Variants in ZNF704 observed in about 807,000 individuals in gnomAD.
ZNF704 encodes the protein glucocorticoid induced gene 1.
Under a neutral mutation model 44.7 loss-of-function variants are expected in ZNF704, and 10 were observed. That is an observed-to-expected ratio of 0.22 (90% CI 0.14 to 0.38). The LOEUF is 0.38. Among genes scored for constraint, ZNF704 ranks in the 10% least tolerant of loss-of-function variants. The pLI is 1.00. For missense variants in ZNF704, 390 were observed against 545.5 expected (o/e 0.71, Z 2.84); for synonymous variants, 211 against 207.6 (o/e 1.02, Z -0.14).
chr8:80,653,876 T>C (rs1817964610), intron 7 of ZNF704, among the ~76,000 whole-genome samples: 1 of 152,082 alleles, frequency 6.6e-6, no homozygotes, highest in Non-Finnish European at 1.5e-5. Context: ...GAGCCCGCAT[T>C]GCCAAGTCAA....
At chr8:80,758,105 C>T (rs745641478) in intron 2 of ZNF704, among the ~76,000 whole-genome samples, 12 of 152,188 alleles carry the variant, frequency 7.9e-5, no homozygotes, top group Non-Finnish European at 1.6e-4. Context: ...CAATTTGTAT[C>T]AATATCACAT....
chr8:80,803,587 A>C (rs1337045755), intron 2 of ZNF704, among the ~76,000 whole-genome samples: 1 of 152,100 alleles, frequency 6.6e-6, no homozygotes, highest in East Asian at 1.9e-4. Flanking sequence ...ATGGGGAAAG[A>C]ATTTCCTATT....
At chr8:80,713,725 A>G (rs1224142244) in intron 2 of ZNF704, among the ~76,000 whole-genome samples, 1 of 152,156 alleles carries the variant, frequency 6.6e-6, no homozygotes, top group East Asian at 1.9e-4. Flanking sequence ...TAATCTACAC[A>G]TTTCTTTTTA....
At chr8:80,673,396 A>C (rs908777541) in intron 4 of ZNF704, 1 of 152,218 alleles carries the variant, frequency 6.6e-6, no homozygotes, top group African/African-American at 2.4e-5. Context: ...TGACATGAGA[A>C]TAAACAAACG....
intron 1 of ZNF704, among the ~76,000 whole-genome samples, chr8:80,843,905 G>T (rs908968464): frequency 1.3e-5 from 2 of 151,186 alleles, no homozygotes; most frequent in African/African-American, 4.9e-5. Flanking sequence ...GCTACATATT[G>T]TAAGCACAAG....
intron 2 of ZNF704, among the ~76,000 whole-genome samples, chr8:80,699,979 A>G (rs1297587263): frequency 1.3e-5 from 2 of 152,076 alleles, no homozygotes; most frequent in Admixed American, 1.3e-4. Context: ...ACCCCCAGTG[A>G]GGTCAGGTGG....
At chr8:80,849,978 T>C (rs1808830280) in intron 1 of ZNF704, among the ~76,000 whole-genome samples, 1 of 152,224 alleles carries the variant, frequency 6.6e-6, no homozygotes, top group African/African-American at 2.4e-5. Context: ...ATTAAACTTG[T>C]TTTGTTATGC....
chr8:80,678,607 AT>A (rs1193204877), intron 4 of ZNF704, among the ~76,000 whole-genome samples: 10 of 152,212 alleles, frequency 6.6e-5, no homozygotes, highest in Non-Finnish European at 1.3e-4. Flanking sequence ...CATCACACAG[AT>A]TTTTACACTA....
At chr8:80,655,749 A>G (rs1017146221) in intron 7 of ZNF704, among the ~76,000 whole-genome samples, 2 of 152,224 alleles carry the variant, frequency 1.3e-5, no homozygotes, top group African/African-American at 4.8e-5. Flanking sequence ...TTTTTCTCTT[A>G]AGAGGGAGGA....
At chr8:80,736,637 C>A (rs893369407) in intron 2 of ZNF704, among the ~76,000 whole-genome samples, 4 of 152,040 alleles carry the variant, frequency 2.6e-5, no homozygotes, top group Admixed American at 6.6e-5. Flanking sequence ...AAAATTGGTG[C>A]CTGGCTATGG....
intron 2 of ZNF704, among the ~76,000 whole-genome samples, chr8:80,728,927 CAGT>C (rs1806529557): frequency 6.6e-6 from 1 of 152,120 alleles, no homozygotes. Flanking sequence ...GAGAGCTCAG[CAGT>C]AGGAGGCAGT....
chr8:80,757,456 TA>T (rs530552660), intron 2 of ZNF704, among the ~76,000 whole-genome samples: 279 of 144,732 alleles, frequency 1.9e-3, no homozygotes, highest in Middle Eastern at 0.01. Context: ...GTCAAAAAGT[TA>T]AAAAAAAAAA....
intron 2 of ZNF704, among the ~76,000 whole-genome samples, chr8:80,748,113 A>G (rs1019550631): frequency 6.6e-6 from 1 of 152,208 alleles, no homozygotes; most frequent in African/African-American, 2.4e-5. Context: ...GCTATACTCC[A>G]TCTTCAGAAA....
At chr8:80,677,476 C>T (rs1818387204) in intron 4 of ZNF704, among the ~76,000 whole-genome samples, 1 of 152,138 alleles carries the variant, frequency 6.6e-6, no homozygotes, top group African/African-American at 2.4e-5. Flanking sequence ...AGGAAGCTGA[C>T]CATTATCCTC....
intron 2 of ZNF704, among the ~76,000 whole-genome samples, chr8:80,782,726 T>A (rs1038794064): frequency 6.6e-6 from 1 of 152,174 alleles, no homozygotes; most frequent in African/African-American, 2.4e-5. Context: ...TCTTGGGTTG[T>A]CAGCAGTGCT....
At chr8:80,742,081 G>T (rs1244792298) in intron 2 of ZNF704, among the ~76,000 whole-genome samples, 1 of 152,180 alleles carries the variant, frequency 6.6e-6, no homozygotes, top group Non-Finnish European at 1.5e-5. Flanking sequence ...GCCATTAGGA[G>T]ATTATTATTG....
In ZNF704 at chr8:80,635,981, TA is replaced by T. The variant is rs1381714292; in HGVS notation, c.*5384del. 6.6e-6 allele frequency: 1 copy of T among 152,214 alleles called. No individual in the cohort carries two copies. Among genetic ancestry groups the T allele is most frequent in the Admixed American group, 6.5e-5 (1 of 15,282 alleles). 9.4% of individuals were successfully genotyped at this position (152,214 alleles called of 1,614,324 possible). ...TCCTGCCTGGTAAAATACTATATTT[TA>T]AAAAATAAGCTACAATGTATAAAAC... is the stretch of plus-strand genomic sequence containing the variant. On this transcript the variant is annotated 3_prime_UTR_variant, in exon 9 of 9. Transcript: ENST00000327835.
intron 2 of ZNF704, among the ~76,000 whole-genome samples, chr8:80,798,837 T>A (rs778654377): frequency 2.0e-5 from 3 of 152,336 alleles, no homozygotes; most frequent in Non-Finnish European, 4.4e-5. Context: ...ACTGAATAAT[T>A]TATAAAGAAA....
intron 4 of ZNF704, among the ~76,000 whole-genome samples, chr8:80,678,604 C>T (rs189193038): frequency 1.3e-5 from 2 of 152,328 alleles, no homozygotes; most frequent in East Asian, 3.9e-4. Context: ...ATTCATCACA[C>T]AGATTTTTAC....
Sources: allele counts gnomAD v4.1 joint callset (sites outside exome capture counted in the v4.1 genomes callset), GRCh38; gene constraint gnomAD v4.1.1; transcripts MANE v1.5; gene names NCBI Gene and HGNC (gene_info 2026-07-23, HGNC 2026-07-21).